Variants in MIS18BP1 observed in about 807,000 individuals in gnomAD.
The protein encoded by MIS18BP1 is mis18-binding protein 1.
A neutral mutation model predicts 116.1 loss-of-function variants in MIS18BP1; 72 were observed. The observed-to-expected ratio is 0.62, with a 90% CI of 0.51 to 0.75. The LOEUF (loss-of-function observed/expected upper bound fraction) is 0.75. Among genes scored for constraint, MIS18BP1 ranks in the 30% least tolerant of loss-of-function variants. The probability of loss-of-function intolerance (pLI) is 0.00; values close to 1 mark genes in which losing one functional copy is unlikely to be tolerated. For missense variants in MIS18BP1, 1,363 were observed against 1,303.2 expected, an observed-to-expected ratio of 1.05 and a Z score of -0.71; for synonymous variants, 386 against 427.0, an observed-to-expected ratio of 0.90 and a Z score of 1.18.
intron 1 of MIS18BP1, among the ~76,000 whole-genome samples, chr14:45,252,711 G>C (rs1184270129): frequency 2.6e-5 from 4 of 151,982 alleles, no homozygotes; most frequent in Non-Finnish European, 5.9e-5. Context: ...GTGGGTCCTG[G>C]GGTCCCAAGG....
intron 8 of MIS18BP1, among the ~76,000 whole-genome samples, chr14:45,229,678 T>C (rs928134456): frequency 6.6e-6 from 1 of 152,162 alleles, no homozygotes; most frequent in African/African-American, 2.4e-5. Context: ...GTGCTGGCTC[T>C]AAGTGAAATG....
chr14:45,247,892 A>G (rs1178357655), intron 1 of MIS18BP1, among the ~76,000 whole-genome samples: 1 of 151,956 alleles, frequency 6.6e-6, no homozygotes, highest in South Asian at 2.1e-4. Flanking sequence ...CCCAATCCTG[A>G]TTTTTTATGC....
In MIS18BP1 at chr14:45,217,094, T is replaced by C. The variant is rs1890839903; in HGVS notation, c.2928A>G (p.Glu976=). The C allele has an allele frequency of 6.2e-7, 1 of 1,614,104 alleles. No individual in the cohort carries two copies. The highest frequency in any genetic ancestry group is 8.5e-7 in the Non-Finnish European group (1 of 1,179,982). The change falls in exon 13 of 17, where the codon GAA becomes GAG. Residue 976 remains glutamate, a synonymous_variant. Coordinates refer to ENST00000310806, the MANE Select transcript of MIS18BP1 (RefSeq NM_018353.5). The part of the protein sequence containing the change: ...GTLKRKQQMR[E]FLEQLPKDDH... ...CATCTTTTGGCAACTGTTCCAGAAA[T>C]TCCCTCATCTGTTGCTTCCTTTTAA...
chr14:45,218,327 T>C lies in MIS18BP1; in HGVS notation c.2797A>G (p.Lys933Glu), dbSNP rs1890878228. 5 of 1,614,000 alleles carry C rather than the reference T, an allele frequency of 3.1e-6. No individual in the cohort carries two copies. Among genetic ancestry groups the C allele is most frequent in the Non-Finnish European group, 4.2e-6 (5 of 1,180,004 alleles). The change falls in exon 12 of 17, where the codon AAA becomes GAA. Residue 933 changes from lysine to glutamate, a missense_variant. By Grantham distance (56) the Lys-to-Glu change is moderately conservative (BLOSUM62 1). Coordinates refer to ENST00000310806, the MANE Select transcript of MIS18BP1 (RefSeq NM_018353.5). ...GCTGGCTTCTTCTTAGTGACATGTTTCTGGGATCCTTTTCCTCTGGGATTT... is the reference window on the plus strand; with the variant it reads ...GCTGGCTTCTTCTTAGTGACATGTTCCTGGGATCCTTTTCCTCTGGGATTT... ...MENPRGKGSQKHVTKKKPANS... is the reference protein window; with the variant it reads ...MENPRGKGSQEHVTKKKPANS...
In MIS18BP1 at chr14:45,247,034, T is replaced by G; in HGVS notation, c.253A>C (p.Thr85Pro). The change falls in exon 2 of 17, where the codon ACC becomes CCC. Residue 85 changes from threonine to proline, a missense_variant. By Grantham distance (38) the Thr-to-Pro change is conservative. Coordinates refer to ENST00000310806, the MANE Select transcript of MIS18BP1 (RefSeq NM_018353.5). ...CTGATATCAAGAGAACTGTTAGAGG[T>G]AGTAGCCTCTGTTAGCATAGTTGAT... ...FQSTMLTEATTSNSSLDISAI... is the reference protein window; with the variant it reads ...FQSTMLTEATPSNSSLDISAI... 1 of 1,613,332 alleles carries G rather than the reference T, an allele frequency of 6.2e-7. No individual in the cohort carries two copies. Among genetic ancestry groups the G allele is most frequent in the Non-Finnish European group, 8.5e-7 (1 of 1,179,732 alleles).
chr14:45,220,006 C>CTG (rs1159595298), intron 11 of MIS18BP1, among the ~76,000 whole-genome samples: 2 of 152,180 alleles, frequency 1.3e-5, no homozygotes, highest in Non-Finnish European at 2.9e-5. Flanking sequence ...TAGTGTAACG[C>CTG]TGTATTGTTC....
intron 10 of MIS18BP1, 148 bp downstream of exon 10, chr14:45,226,595 T>C (rs1891127961): frequency 2.9e-6 from 2 of 699,824 alleles, no homozygotes; most frequent in African/African-American, 1.9e-5. Flanking sequence ...AATCATCTTA[T>C]GTAAAAATAA....
Position 45,224,290 on chromosome 14 carries a change from T to G in MIS18BP1, c.2297A>C (p.Gln766Pro). 6.2e-7 allele frequency: 1 copy of G among 1,613,818 alleles called. No individual in the cohort carries two copies. The highest frequency in any genetic ancestry group is 8.5e-7 in the Non-Finnish European group (1 of 1,179,884). ...TTCACTTGACAAATCTGGTGAGGAC[T>G]GATGCTTATAAAATGACATAGCTAC... ...NQVAMSFYKH[Q>P]SSPDLSSEES... Residue 766 changes from glutamine (Q) to proline (P), a missense_variant, in exon 11 of 17, where the codon CAG becomes CCG. Transcript: ENST00000310806.
rs377170034 is a variant in MIS18BP1, at chr14:45,218,386, C to T, written c.2738G>A (p.Arg913Gln). ...WSEVAAAVGS[R>Q]SPEECQRKYM... is the part of the protein sequence containing the mutation. ...TTTCCTCTGGCATTCTTCAGGAGAT[C>T]GAGAACCTACAGCCGCAGCTACCTC... The change falls in exon 12 of 17, where the codon CGA (arginine) becomes CAA (glutamine). Residue 913 changes from arginine (R) to glutamine (Q), a missense_variant. Physicochemically the swap from Arg to Gln is conservative, Grantham distance 43. Coordinates refer to ENST00000310806, the MANE Select transcript of MIS18BP1 (RefSeq NM_018353.5). 6 of 1,613,782 alleles carry T rather than the reference C, an allele frequency of 3.7e-6. No individual in the cohort carries two copies. Among genetic ancestry groups the T allele is most frequent in the African/African-American group, 2.7e-5 (2 of 74,850 alleles).
intron 1 of MIS18BP1, among the ~76,000 whole-genome samples, chr14:45,250,967 G>A (rs895386224): frequency 6.6e-6 from 1 of 151,130 alleles, no homozygotes; most frequent in African/African-American, 2.4e-5. Context: ...AACCCGGGAG[G>A]CGGAGCTTGC....
chr14:45,229,375 A>G (rs1891214381), intron 8 of MIS18BP1, among the ~76,000 whole-genome samples: 1 of 151,832 alleles, frequency 6.6e-6, no homozygotes, highest in Non-Finnish European at 1.5e-5. Context: ...GCAGTACTGT[A>G]TGCCTGTAGT....
chr14:45,226,737 T>A lies in MIS18BP1; in HGVS notation c.1840+6A>T. ...TATGATTAAAAAACCATTAAAGATA[T>A]ATTACCTTGCTTCTGACTTTTTATT... On this transcript the variant is annotated splice_donor_region_variant and intron_variant, in intron 10 of 16. Transcript: ENST00000310806. 7.3e-7 allele frequency: 1 copy of A among 1,378,880 alleles called. No individual in the cohort carries two copies. Among genetic ancestry groups the A allele is most frequent in the South Asian group, 1.5e-5 (1 of 67,690 alleles). The allele number at this position is 1,378,880 out of a possible 1,614,324, so 85.4% of individuals were successfully genotyped here. A position where few individuals can be genotyped will look rare whatever the true frequency, so the allele number is the denominator to read the frequency against.
chr14:45,239,581 C>A (rs1891520993), intron 4 of MIS18BP1, among the ~76,000 whole-genome samples: 1 of 152,040 alleles, frequency 6.6e-6, no homozygotes, highest in African/African-American at 2.4e-5. Context: ...GCTCGGTAAA[C>A]CATGGTAAAG....
At chr14:45,204,538 C>T (rs1890459415) in intron 15 of MIS18BP1, 85 bp from the exon 16 acceptor site, 3 of 945,732 alleles carry the variant, frequency 3.2e-6, no homozygotes, top group Non-Finnish European at 4.8e-6. Context: ...CATGCTTATC[C>T]CCAGATTACT....
chr14:45,221,663 T>C (rs970760864), intron 11 of MIS18BP1, among the ~76,000 whole-genome samples: 6 of 152,198 alleles, frequency 3.9e-5, no homozygotes, highest in African/African-American at 1.4e-4. Flanking sequence ...AGAGGTTTTA[T>C]GATCTATCTT....
rs746537728 is a variant in MIS18BP1 at position 45,235,879 on chromosome 14, C to G, written c.1283G>C (p.Arg428Thr). Residue 428 changes from arginine (R) to threonine (T), a missense_variant, in exon 6 of 17, where the codon AGG becomes ACG. Arg to Thr is a moderately conservative substitution (Grantham distance 71). Coordinates refer to ENST00000310806, the MANE Select transcript of MIS18BP1 (RefSeq NM_018353.5). ...TATATAAACGTTGCCTGATATAGTC[C>G]TAAGTTTGTTGTGCTCAATCCGCTC... ...IIERIEHNKLRTISGNVYILK... is the reference protein window; with the variant it reads ...IIERIEHNKLTTISGNVYILK... 9.3e-6 allele frequency: 15 copies of G among 1,611,378 alleles called. No homozygotes were observed. Among genetic ancestry groups the G allele is most frequent in the African/African-American group, 2.7e-5 (2 of 74,838 alleles).
At chr14:45,208,614 G>A (rs932984671) in intron 14 of MIS18BP1, among the ~76,000 whole-genome samples, 2 of 152,172 alleles carry the variant, frequency 1.3e-5, no homozygotes, top group African/African-American at 4.8e-5. Flanking sequence ...TTACAGGTGT[G>A]AGCTACCGCG....
intron 2 of MIS18BP1, among the ~76,000 whole-genome samples, chr14:45,245,659 C>T (rs917118895): frequency 1.1e-4 from 17 of 152,222 alleles, no homozygotes; most frequent in African/African-American, 3.1e-4. Context: ...CCACCGTGCC[C>T]GGCCGGCCTT....
chr14:45,219,827 C>T (rs754728583), intron 11 of MIS18BP1, among the ~76,000 whole-genome samples: 10 of 152,122 alleles, frequency 6.6e-5, no homozygotes, highest in Non-Finnish European at 8.8e-5. Flanking sequence ...TCTAAATCTA[C>T]GACTGTCTAA....
Sources: gnomAD v4.1 joint callset for allele counts (sites outside exome capture counted in the v4.1 genomes callset) on GRCh38, gnomAD v4.1.1 for gene constraint, MANE v1.5 for transcripts, NCBI Gene and HGNC (gene_info 2026-07-23, HGNC 2026-07-21) for gene names.